Variants in MAGI3 observed in about 807,000 individuals in gnomAD.
MAGI3 encodes membrane-associated guanylate kinase, WW and PDZ domain-containing protein 3.
A neutral mutation model predicts 121.8 loss-of-function variants in MAGI3; 43 were observed. The observed-to-expected ratio is 0.35, with a 90% CI of 0.28 to 0.46. The LOEUF (loss-of-function observed/expected upper bound fraction) is 0.46. Ranked by LOEUF, MAGI3 falls within the 20% of genes least tolerant of loss-of-function variation. The pLI is 1.00. For synonymous variants in MAGI3, 553 were observed against 639.3 expected, an observed-to-expected ratio of 0.86 and a Z score of 2.04; for missense variants, 1,547 against 1,797.3, an observed-to-expected ratio of 0.86 and a Z score of 2.52.
intron 1 of MAGI3, among the ~76,000 whole-genome samples, chr1:113,432,832 A>G (rs1214294147): frequency 1.3e-5 from 2 of 152,100 alleles, no homozygotes; most frequent in Non-Finnish European, 2.9e-5. Context: ...TACCATATCA[A>G]TAAGGTATAA....
At chr1:113,546,573 G>T (rs1418501331) in intron 1 of MAGI3, among the ~76,000 whole-genome samples, 3 of 151,924 alleles carry the variant, frequency 2.0e-5, no homozygotes, top group African/African-American at 7.2e-5. Context: ...CTGACCTCAA[G>T]TAATCCAACT....
chr1:113,483,087 A>C (rs1290545160), intron 1 of MAGI3, among the ~76,000 whole-genome samples: 2 of 152,160 alleles, frequency 1.3e-5, no homozygotes, highest in Non-Finnish European at 2.9e-5. Context: ...GGGATTACAG[A>C]TGTGAGCCAA....
At chr1:113,563,057 C>A (rs895884192) in intron 2 of MAGI3, among the ~76,000 whole-genome samples, 9 of 151,996 alleles carry the variant, frequency 5.9e-5, no homozygotes, top group Non-Finnish European at 1.0e-4. Flanking sequence ...AATGTAGACT[C>A]AAAAATTCTT....
intron 16 of MAGI3, among the ~76,000 whole-genome samples, chr1:113,668,451 G>GA (rs894716650): frequency 2.8e-5 from 4 of 141,946 alleles, no homozygotes; most frequent in Admixed American, 2.8e-4. Flanking sequence ...GCTTATAACA[G>GA]AAAAAAAATG....
At chr1:113,430,917 CA>C (rs1653269486) in intron 1 of MAGI3, among the ~76,000 whole-genome samples, 1 of 152,166 alleles carries the variant, frequency 6.6e-6, no homozygotes, top group South Asian at 2.1e-4. Flanking sequence ...TAATATGGCT[CA>C]CTGAATCAGT....
intron 1 of MAGI3, among the ~76,000 whole-genome samples, chr1:113,489,757 TAATAGCAG>T (rs1656582287): frequency 6.6e-6 from 1 of 151,732 alleles, no homozygotes; most frequent in Non-Finnish European, 1.5e-5. Context: ...TTGCAACCAT[TAATAGCAG>T]AATAGACCAA....
At chr1:113,623,634 C>G (rs543619301) in intron 9 of MAGI3, among the ~76,000 whole-genome samples, 15 of 151,998 alleles carry the variant, frequency 9.9e-5, no homozygotes, top group African/African-American at 2.4e-4. Flanking sequence ...ACTACAGGCG[C>G]CCGCCACCAC....
chr1:113,456,465 A>G (rs1299897978), intron 1 of MAGI3, among the ~76,000 whole-genome samples: 1 of 152,216 alleles, frequency 6.6e-6, no homozygotes, highest in African/African-American at 2.4e-5. Context: ...CTCAAATTTG[A>G]TAAAGTACCA....
intron 9 of MAGI3, among the ~76,000 whole-genome samples, chr1:113,632,745 C>A (rs1345322374): frequency 1.3e-5 from 2 of 152,096 alleles, no homozygotes; most frequent in African/African-American, 4.8e-5. Context: ...CTGATTTATA[C>A]ATCAAATTCA....
rs1183658586 is a variant in MAGI3 at position 113,422,367 on chromosome 1, C to T, written c.316+31018C>T. ...CTTCACTAGCCGGAAACTTCTGTGC[C>T]GGTGGCACCTCTACTTGAGTTTTGC... On this transcript the variant is annotated intron_variant, in intron 1 of 20. Coordinates refer to ENST00000307546, the MANE Select transcript of MAGI3 (RefSeq NM_001142782.2). This position sits in a 1 kb window ranked among gnomAD's most constrained non-coding sequence, Gnocchi z 4.3. Among the ~76,000 whole-genome samples the T allele has an allele frequency of 3.3e-5, 5 of 152,218 alleles. No individual in the cohort carries two copies. Among genetic ancestry groups the T allele is most frequent in the East Asian group, 3.8e-4 (2 of 5,196 alleles).
At position 113,391,286 on chromosome 1, in the gene MAGI3, C is replaced by A. The variant is rs1437471634; in HGVS notation, c.253C>A (p.Arg85=). 1.9e-6 allele frequency: 3 copies of A among 1,593,250 alleles called. No individual in the cohort carries two copies. The highest frequency in any genetic ancestry group is 2.6e-6 in the Non-Finnish European group (3 of 1,170,994). The change falls in exon 1 of 21, where the codon CGG becomes AGG. Residue 85 remains arginine, a synonymous_variant. Transcript: ENST00000307546. This position sits in a 1 kb window ranked among gnomAD's most constrained non-coding sequence, Gnocchi z 4.4. ...GACGCCTGTCAGCGGGCTCACCAAC[C>A]GGGACACCCTGGCTGTCATCCGCCA... The part of the protein sequence containing the change: ...NGTPVSGLTN[R]DTLAVIRHFR...
intron 5 of MAGI3, among the ~76,000 whole-genome samples, chr1:113,594,163 G>A (rs956551738): frequency 6.6e-6 from 1 of 152,226 alleles, no homozygotes; most frequent in Non-Finnish European, 1.5e-5. Flanking sequence ...ATAATGCACA[G>A]TATGTGGCTA....
chr1:113,467,124 G>A lies in MAGI3; in HGVS notation c.316+75775G>A, dbSNP rs145350111. ...ATACTGCTTTTGTTGTATCCCATAC[G>A]TTTTGTTATGTTGTATTTCCATTTT... On this transcript the variant is annotated intron_variant, in intron 1 of 20. Coordinates refer to ENST00000307546, the MANE Select transcript of MAGI3 (RefSeq NM_001142782.2). 1.4e-4 allele frequency among the ~76,000 whole-genome samples: 22 copies of A among 151,896 alleles called. 1 individual carries two copies. In the East Asian group the frequency reaches 3.9e-3, roughly 27 times the overall value.
At chr1:113,556,013 A>G (rs1659975562) in intron 2 of MAGI3, among the ~76,000 whole-genome samples, 1 of 152,206 alleles carries the variant, frequency 6.6e-6, no homozygotes, top group Non-Finnish European at 1.5e-5. Context: ...ACACATATCA[A>G]CCAACAAATT....
intron 18 of MAGI3, 117 bp downstream of exon 18, chr1:113,672,858 C>T (rs1488859705): frequency 5.4e-6 from 7 of 1,296,308 alleles, no homozygotes; most frequent in African/African-American, 4.5e-5. Flanking sequence ...TAATAATTCT[C>T]GAAGACCTGC....
intron 1 of MAGI3, among the ~76,000 whole-genome samples, chr1:113,485,311 C>T (rs887998994): frequency 6.6e-6 from 1 of 152,156 alleles, no homozygotes; most frequent in African/African-American, 2.4e-5. Flanking sequence ...GTATCCATGC[C>T]AACATCTATT....
chr1:113,476,432 C>T (rs1655824114), intron 1 of MAGI3, among the ~76,000 whole-genome samples: 1 of 152,208 alleles, frequency 6.6e-6, no homozygotes, highest in Admixed American at 6.5e-5. Context: ...TCTTTGTTCT[C>T]ATTGGTTTCA....
chr1:113,646,669 G>C, intron 12 of MAGI3, 27 bp downstream of exon 12: 1 of 1,548,214 alleles, frequency 6.5e-7, no homozygotes, highest in South Asian at 1.2e-5. Context: ...TATTTCAGGA[G>C]AGCATATAAC....
chr1:113,434,680 A>G (rs1396615928), intron 1 of MAGI3, among the ~76,000 whole-genome samples: 1 of 152,204 alleles, frequency 6.6e-6, no homozygotes, highest in Non-Finnish European at 1.5e-5. Context: ...TTAAAAATTT[A>G]TCTCCTAAGT....
Sources: gnomAD v4.1 joint callset for allele counts (sites outside exome capture counted in the v4.1 genomes callset) on GRCh38, gnomAD v4.1.1 for gene constraint, Gnocchi (gnomAD v3.1) non-coding constraint, MANE v1.5 for transcripts, NCBI Gene and HGNC (gene_info 2026-07-23, HGNC 2026-07-21) for gene names.